The following NRF1 variants were observed in gnomAD, a reference collection of about 807,000 sequenced individuals.
NRF1 encodes nuclear respiratory factor 1, also known as alpha palindromic-binding protein.
In NRF1, 5 loss-of-function variants were observed where a neutral mutation model predicts 58.5. That is an observed-to-expected ratio of 0.09 (90% CI 0.04 to 0.18). The LOEUF is 0.18. NRF1 is among the 10% of genes least tolerant of loss of function. The probability of loss-of-function intolerance (pLI) is 1.00; values close to 1 mark genes in which losing one functional copy is unlikely to be tolerated. For synonymous variants in NRF1, 224 were observed against 246.7 expected, an observed-to-expected ratio of 0.91 and a Z score of 0.86; for missense variants, 288 against 657.7, an observed-to-expected ratio of 0.44 and a Z score of 6.15.
At chr7:129,681,167 A>C (rs936480177) in intron 4 of NRF1, among the ~76,000 whole-genome samples, 22 of 152,198 alleles carry the variant, frequency 1.4e-4, no homozygotes, top group Non-Finnish European at 2.1e-4. Context: ...GGATGCAAGG[A>C]GGGGGTCCGG....
intron 10 of NRF1, among the ~76,000 whole-genome samples, chr7:129,734,208 A>G (rs1317056935): frequency 2.0e-5 from 3 of 152,350 alleles, no homozygotes; most frequent in African/African-American, 4.8e-5. Flanking sequence ...AGTGTTTTAC[A>G]TGCATTATAT....
intron 4 of NRF1, among the ~76,000 whole-genome samples, chr7:129,684,015 A>G (rs1802388605): frequency 6.6e-6 from 1 of 152,208 alleles, no homozygotes; most frequent in Non-Finnish European, 1.5e-5. Flanking sequence ...AGAAGGTATT[A>G]TCTAAACTGG....
intron 10 of NRF1, among the ~76,000 whole-genome samples, chr7:129,747,151 G>A (rs1803995058): frequency 6.6e-6 from 1 of 152,146 alleles, no homozygotes; most frequent in Non-Finnish European, 1.5e-5. Flanking sequence ...ATGTATCAGG[G>A]TGATGACATC....
chr7:129,737,137 C>T (rs551406323), intron 10 of NRF1, among the ~76,000 whole-genome samples: 7 of 152,324 alleles, frequency 4.6e-5, no homozygotes, highest in Non-Finnish European at 8.8e-5. Context: ...ACTATGTAGA[C>T]GCTGCTTTCC....
chr7:129,616,743 C>G (rs1800667721), intron 1 of NRF1, among the ~76,000 whole-genome samples: 1 of 152,210 alleles, frequency 6.6e-6, no homozygotes, highest in Non-Finnish European at 1.5e-5. Flanking sequence ...GGTAGTCTGC[C>G]TTGCCCAATC....
At chr7:129,645,766 G>A (rs995121067) in intron 1 of NRF1, among the ~76,000 whole-genome samples, 1 of 152,154 alleles carries the variant, frequency 6.6e-6, no homozygotes, top group African/African-American at 2.4e-5. Context: ...ACATAAGTTT[G>A]TGTTGATATC....
intron 10 of NRF1, among the ~76,000 whole-genome samples, chr7:129,742,546 T>G (rs1298117912): frequency 6.6e-6 from 1 of 151,930 alleles, no homozygotes; most frequent in Non-Finnish European, 1.5e-5. Context: ...AGAGGCCTGG[T>G]GGGGGAGGGG....
intron 1 of NRF1, among the ~76,000 whole-genome samples, chr7:129,638,469 A>G (rs1401109035): frequency 1.3e-5 from 2 of 152,210 alleles, no homozygotes; most frequent in African/African-American, 4.8e-5. Context: ...CAGGACATCC[A>G]TTGTGGCCAG....
chr7:129,743,563 A>C (rs1803899371), intron 10 of NRF1, among the ~76,000 whole-genome samples: 1 of 152,202 alleles, frequency 6.6e-6, no homozygotes, highest in African/African-American at 2.4e-5. Flanking sequence ...AAATAACAAT[A>C]CTACTTCAAA....
At chr7:129,629,126 C>A (rs1188756030) in intron 1 of NRF1, among the ~76,000 whole-genome samples, 3 of 152,142 alleles carry the variant, frequency 2.0e-5, no homozygotes. Context: ...AAGTGACAGA[C>A]CCACTTTTAA....
At chr7:129,745,172 A>T (rs576236784) in intron 10 of NRF1, among the ~76,000 whole-genome samples, 1 of 152,166 alleles carries the variant, frequency 6.6e-6, no homozygotes, top group East Asian at 1.9e-4. Context: ...TTTCCATTTT[A>T]AAATATTGGT....
At chr7:129,752,108 C>G (rs915393156) in intron 10 of NRF1, among the ~76,000 whole-genome samples, 3 of 152,148 alleles carry the variant, frequency 2.0e-5, no homozygotes, top group African/African-American at 4.8e-5. Flanking sequence ...TTGAAAGAAC[C>G]CTCTGTCAAG....
chr7:129,635,098 G>A (rs1481230689), intron 1 of NRF1, among the ~76,000 whole-genome samples: 2 of 152,144 alleles, frequency 1.3e-5, no homozygotes, highest in African/African-American at 4.8e-5. Context: ...AATAAAACAA[G>A]TCCAAGTCCT....
At chr7:129,695,971 C>T (rs1584649190) in intron 5 of NRF1, among the ~76,000 whole-genome samples, 1 of 149,292 alleles carries the variant, frequency 6.7e-6, no homozygotes, top group Non-Finnish European at 1.5e-5. Context: ...ACCTGTAATC[C>T]CAGCACTTTG....
intron 4 of NRF1, among the ~76,000 whole-genome samples, chr7:129,685,627 G>C (rs1802428254): frequency 6.7e-6 from 1 of 149,142 alleles, no homozygotes; most frequent in Non-Finnish European, 1.5e-5. Flanking sequence ...CAAAAGACCT[G>C]GTCCCTATGC....
In NRF1 at chr7:129,755,267, C is replaced by T. The variant is rs1804225168; in HGVS notation, c.*86C>T. The T allele has an allele frequency of 1.7e-6, 2 of 1,198,992 alleles. No individual in the cohort carries two copies. Among genetic ancestry groups the T allele is most frequent in the Non-Finnish European group, 1.1e-6 (1 of 908,428 alleles). The allele number at this position is 1,198,992 out of a possible 1,614,324, so 74.3% of individuals were successfully genotyped here. ...GAGGTGCAATCAAATGGAATTAAGT[C>T]TCTCGACTTTGGAAGGAAAGTTTTG... On this transcript the variant is annotated 3_prime_UTR_variant, in exon 11 of 11. Coordinates refer to ENST00000393232, the MANE Select transcript of NRF1 (RefSeq NM_005011.5). This position sits in a 1 kb window ranked among gnomAD's most constrained non-coding sequence, Gnocchi z 5.8.
At chr7:129,754,026 G>A (rs918059724) in intron 10 of NRF1, among the ~76,000 whole-genome samples, 48 of 152,100 alleles carry the variant, frequency 3.2e-4, no homozygotes, top group Admixed American at 6.6e-5. Context: ...AAGACAGGCC[G>A]GGGACATTCA....
intron 1 of NRF1, among the ~76,000 whole-genome samples, chr7:129,620,227 A>AG (rs1800761424): frequency 6.6e-6 from 1 of 152,150 alleles, no homozygotes; most frequent in South Asian, 2.1e-4. Context: ...GAGCACCAGA[A>AG]GGAAGGTAGG....
chr7:129,750,685 C>A (rs995259985), intron 10 of NRF1, among the ~76,000 whole-genome samples: 6 of 152,224 alleles, frequency 3.9e-5, no homozygotes. Flanking sequence ...TGGGTGGGGA[C>A]CATTTCCTCA....
Sources: allele counts gnomAD v4.1 joint callset (sites outside exome capture counted in the v4.1 genomes callset), GRCh38; gene constraint gnomAD v4.1.1; non-coding constraint Gnocchi (gnomAD v3.1); transcripts MANE v1.5; gene names NCBI Gene and HGNC (gene_info 2026-07-23, HGNC 2026-07-21).